Variants in GPN1 observed in about 807,000 individuals in gnomAD.
GPN1 encodes ATP(GTP)-binding protein.
GPN1 carries 44 observed loss-of-function variants against 55.9 expected under a neutral mutation model. The observed-to-expected ratio is 0.79, with a 90% CI of 0.62 to 1.01. The LOEUF (loss-of-function observed/expected upper bound fraction) is 1.01, where lower values mean the gene tolerates loss of function less well. Among genes scored for constraint, GPN1 ranks in the 50% least tolerant of loss-of-function variants. The pLI is 0.00. For missense variants in GPN1, 466 were observed against 462.8 expected, an observed-to-expected ratio of 1.01 and a Z score of -0.06; for synonymous variants, 179 against 162.5, an observed-to-expected ratio of 1.10 and a Z score of -0.77.
intron 5 of GPN1, among the ~76,000 whole-genome samples, chr2:27,634,413 A>T (rs1357383945): frequency 6.6e-6 from 1 of 152,192 alleles, no homozygotes; most frequent in Non-Finnish European, 1.5e-5. Context: ...CACCACAGTC[A>T]ATTTTAGAAT....
chr2:27,639,530 C>T (rs7564625), intron 9 of GPN1, among the ~76,000 whole-genome samples: 68,968 of 151,094 alleles, frequency 0.46, 16,825 homozygotes, highest in Non-Finnish European at 0.55. Context: ...TTCTTTTTTC[C>T]CTTTGGAGAG....
At chr2:27,629,287 G>T (rs1156622815) in intron 1 of GPN1, 118 bp downstream of exon 1, 1 of 1,459,152 alleles carries the variant, frequency 6.9e-7, no homozygotes, top group African/African-American at 1.4e-5. Flanking sequence ...GGCTTTCGGG[G>T]GCTTCCCATC....
rs1553358324 is a variant in GPN1 at position 27,642,958 on chromosome 2, TACACACAC to T, written c.931+469_931+476del. On this transcript the variant is annotated intron_variant, in intron 12 of 13. Coordinates refer to ENST00000610189, the MANE Select transcript of GPN1 (RefSeq NM_007266.4). ...AAATGTGGTTTTATATATATATATATACACACACACACACACACACACACACACACACA... is the reference window on the plus strand; with the variant it reads ...AAATGTGGTTTTATATATATATATATACACACACACACACACACACACACA... 7.0e-3 allele frequency among the ~76,000 whole-genome samples: 861 copies of T among 122,662 alleles called. 4 individuals are homozygous for T. The highest frequency in any genetic ancestry group is 9.5e-3 in the Admixed American group (103 of 10,870). 80.5% of individuals were successfully genotyped at this position (122,662 alleles called of 152,430 possible). A position where few individuals can be genotyped will look rare whatever the true frequency, so the allele number is the denominator to read the frequency against.
rs761088795 is a variant in GPN1 at position 27,629,163 on chromosome 2, T to G, written c.105T>G (p.Phe35Leu). 1.2e-6 allele frequency: 2 copies of G among 1,614,140 alleles called. No homozygotes were observed. The highest frequency in any genetic ancestry group is 1.7e-6 in the Non-Finnish European group (2 of 1,180,016). The change falls in exon 1 of 14, where the codon TTT becomes TTG. Residue 35 changes from phenylalanine (F) to leucine (L), a missense_variant. Transcript: ENST00000610189. ...TGGCGGGATCCGGGAAAACCACTTT[T>G]GTACAGGTGACGTACACAGCATGGG... ...LGMAGSGKTT[F>L]VQRLTGHLHA...
At position 27,629,127 on chromosome 2, in the gene GPN1, G is replaced by A. The variant is rs769740180; in HGVS notation, c.69G>A (p.Leu23=). The change falls in exon 1 of 14, where the codon TTG becomes TTA. Residue 23 remains leucine (L), a synonymous_variant. Transcript: ENST00000610189. ...GTCCGCGGCACCCAGTGTGTCTGTT[G>A]GTGTTGGGAATGGCGGGATCCGGGA... ...SGGPRHPVCL[L]VLGMAGSGKT... is the part of the protein sequence containing the mutation. 34 of 1,614,130 alleles carry A rather than the reference G, an allele frequency of 2.1e-5. No homozygotes were observed. The highest frequency in any genetic ancestry group is 2.6e-5 in the Non-Finnish European group (31 of 1,180,060).
At chr2:27,634,823 T>C in intron 5 of GPN1, 23 bp from the exon 6 acceptor site, 1 of 1,314,142 alleles carries the variant, frequency 7.6e-7, no homozygotes, top group Non-Finnish European at 1.1e-6. Flanking sequence ...GTAACACTTC[T>C]TTAATGATCT....
In GPN1 at chr2:27,643,059, C is replaced by T. The variant is rs192857321; in HGVS notation, c.931+540C>T. Among the ~76,000 whole-genome samples, 807 of 150,172 alleles carry T rather than the reference C, an allele frequency of 5.4e-3. 6 individuals carry two copies. The highest frequency in any genetic ancestry group is 8.9e-3 in the Non-Finnish European group (601 of 67,696). ...GGAAAGGCAAATTTGAAATTATATA[C>T]AGCTCTACCACTTTGGGTTCCTCTT... On this transcript the variant is annotated intron_variant, in intron 12 of 13. Coordinates refer to ENST00000610189, the MANE Select transcript of GPN1 (RefSeq NM_007266.4). The surrounding 1 kb of genome is among the most constrained non-coding windows in gnomAD (Gnocchi z 4.0).
intron 12 of GPN1, among the ~76,000 whole-genome samples, chr2:27,645,685 G>A (rs1674193607): frequency 6.6e-6 from 1 of 151,436 alleles, no homozygotes; most frequent in Non-Finnish European, 1.5e-5. Context: ...TTGACCAAGA[G>A]TTTTTGCCTG....
intron 13 of GPN1, 92 bp from the exon 14 acceptor site, chr2:27,650,023 G>A: frequency 1.3e-6 from 1 of 746,072 alleles, no homozygotes; most frequent in Non-Finnish European, 2.4e-6. Context: ...TTTCTTAGAA[G>A]TAATGTACTG....
chr2:27,644,723 GTT>G (rs1297764271), intron 12 of GPN1, among the ~76,000 whole-genome samples: 5 of 101,736 alleles, frequency 4.9e-5, no homozygotes, highest in Admixed American at 9.5e-5. Context: ...TTTTGGTAGT[GTT>G]TTTTTTTTTT....
At chr2:27,631,300 G>A (rs1276561849) in intron 3 of GPN1, 1 of 539,980 alleles carries the variant, frequency 1.9e-6, no homozygotes, top group Non-Finnish European at 3.3e-6. Context: ...AGTATGATAG[G>A]ATAACTGACA....
chr2:27,629,823 T>C (rs908841721), intron 1 of GPN1, 36 bp from the exon 2 acceptor site: 2 of 1,129,802 alleles, frequency 1.8e-6, no homozygotes, highest in Non-Finnish European at 2.7e-6. Context: ...TGTCCCCTCT[T>C]TGTCTCCTTC....
chr2:27,641,672 C>T (rs900991427), intron 11 of GPN1, among the ~76,000 whole-genome samples: 1 of 152,204 alleles, frequency 6.6e-6, no homozygotes, highest in Admixed American at 6.5e-5. Flanking sequence ...CGGCTCACTG[C>T]AGCCTCGACC....
intron 12 of GPN1, 37 bp downstream of exon 12, chr2:27,642,556 A>T (rs756411711): frequency 1.7e-6 from 2 of 1,189,972 alleles, no homozygotes; most frequent in East Asian, 4.7e-5. Flanking sequence ...AACTAAAAAA[A>T]GGTTACACTT....
intron 7 of GPN1, among the ~76,000 whole-genome samples, chr2:27,637,080 A>T (rs1171525926): frequency 6.6e-6 from 1 of 151,956 alleles, no homozygotes; most frequent in Non-Finnish European, 1.5e-5. Flanking sequence ...CCATGGTGAA[A>T]CCCCATCTCT....
Position 27,632,668 on chromosome 2 carries a change from C to A in GPN1, c.348C>A (p.Ser116=). The A allele has an allele frequency of 6.3e-7, 1 of 1,585,456 alleles. No individual in the cohort carries two copies. Among genetic ancestry groups the A allele is most frequent in the Non-Finnish European group, 8.7e-7 (1 of 1,154,082 alleles). The change falls in exon 5 of 14, where the codon TCC becomes TCA. Residue 116 remains serine, a splice_region_variant and synonymous_variant. Transcript: ENST00000610189. ...TTATTGAGAAGGCCCAGAACATGTC[C>A]AAGTAAGTGATGTCAGTAACACCCA... is the stretch of plus-strand genomic sequence containing the variant. ...MKFIEKAQNM[S]KYVLIDTPGQ...
chr2:27,647,266 T>A (rs952140996), intron 12 of GPN1, among the ~76,000 whole-genome samples: 11 of 152,238 alleles, frequency 7.2e-5, no homozygotes, highest in Admixed American at 2.0e-4. Context: ...GACTTCTCTC[T>A]GATTACTGGA....
rs149365811 is a variant in GPN1 at position 27,644,590 on chromosome 2, C to T, written c.931+2071C>T. Among the ~76,000 whole-genome samples, 570 of 151,376 alleles carry T rather than the reference C, an allele frequency of 3.8e-3. 1 individual carries two copies. The highest frequency in any genetic ancestry group is 0.013 in the African/African-American group (549 of 41,264). ...GTTTTATTTTCTAAATTGAGATCCC[C>T]GATTAATTTAGAGTTTATTCCTGGC... On this transcript the variant is annotated intron_variant, in intron 12 of 13. Transcript: ENST00000610189.
Position 27,635,208 on chromosome 2 carries a change from C to T in GPN1, c.498C>T (p.Phe166=). 6.3e-7 allele frequency: 1 copy of T among 1,581,624 alleles called. No individual in the cohort carries two copies. The highest frequency in any genetic ancestry group is 8.7e-7 in the Non-Finnish European group (1 of 1,150,958). The change falls in exon 7 of 14, where the codon TTC becomes TTT. Residue 166 remains phenylalanine (F), a synonymous_variant. Coordinates refer to ENST00000610189, the MANE Select transcript of GPN1 (RefSeq NM_007266.4). ...DTSRSTNPVT[F]MSNMLYACSI... ...CGAGAAGTACCAACCCAGTGACCTT[C>T]ATGTCCAACATGCTCTATGCCTGCA...
Sources: gnomAD v4.1 joint callset for allele counts (sites outside exome capture counted in the v4.1 genomes callset) on GRCh38, gnomAD v4.1.1 for gene constraint, Gnocchi (gnomAD v3.1) non-coding constraint, MANE v1.5 for transcripts, NCBI Gene and HGNC (gene_info 2026-07-23, HGNC 2026-07-21) for gene names.